The following DNAI3 variants were observed in gnomAD, a reference collection of about 807,000 sequenced individuals.
The protein encoded by DNAI3 is dynein axonemal intermediate chain 3, also known as WD repeat domain 63.
Under a neutral mutation model 115.5 loss-of-function variants are expected in DNAI3, and 83 were observed. The observed-to-expected ratio is 0.72, with a 90% CI of 0.60 to 0.86. DNAI3 has a LOEUF of 0.86. Among genes scored for constraint, DNAI3 ranks in the 40% least tolerant of loss-of-function variants. The pLI is 0.00. For missense variants in DNAI3, 1,004 were observed against 1,075.8 expected (o/e 0.93, Z 0.93); for synonymous variants, 320 against 347.0 (o/e 0.92, Z 0.86).
chr1:85,065,287 A>G (rs567870384), intron 1 of DNAI3, among the ~76,000 whole-genome samples: 244 of 152,270 alleles, frequency 1.6e-3, no homozygotes, highest in Non-Finnish European at 2.8e-3. Context: ...GAGCATGTAA[A>G]CAGGTGTGTG....
At chr1:85,108,821 A>G (rs1465145025) in intron 15 of DNAI3, among the ~76,000 whole-genome samples, 1 of 152,206 alleles carries the variant, frequency 6.6e-6, no homozygotes, top group Non-Finnish European at 1.5e-5. Flanking sequence ...TCCAGGTAGA[A>G]ATCAAAATCA....
chr1:85,087,436 A>AC (rs1654832883), intron 7 of DNAI3, among the ~76,000 whole-genome samples: 1 of 126,616 alleles, frequency 7.9e-6, no homozygotes, highest in African/African-American at 3.3e-5. Flanking sequence ...CTCCATCTCA[A>AC]AAAAAAAAAA....
chr1:85,095,178 G>C (rs561833111), intron 10 of DNAI3, among the ~76,000 whole-genome samples: 12 of 152,164 alleles, frequency 7.9e-5, no homozygotes, highest in African/African-American at 2.2e-4. Context: ...TGCTACACAG[G>C]GTTCTAGTTT....
chr1:85,123,984 C>T, intron 18 of DNAI3, 137 bp from the exon 19 acceptor site: 1 of 1,055,488 alleles, frequency 9.5e-7, no homozygotes, highest in South Asian at 1.6e-5. Context: ...ATCTATTCAT[C>T]CCAGCTAGCC....
rs557305132 is a variant in DNAI3, at chr1:85,077,374, A to G, written c.104-3860A>G. Reference sequence around the variant, plus strand: ...AAACTTCTAGAAGAAAACAGGAGAAAATCTTTGTGACCTTGGAGTTGGCAA... The same window carrying G: ...AAACTTCTAGAAGAAAACAGGAGAAGATCTTTGTGACCTTGGAGTTGGCAA... On this transcript the variant is annotated intron_variant, in intron 3 of 22. Coordinates refer to ENST00000294664, the MANE Select transcript of DNAI3 (RefSeq NM_145172.5). Among the ~76,000 whole-genome samples the G allele has an allele frequency of 2.4e-4, 37 of 152,292 alleles. No homozygotes were observed. In the South Asian group the frequency reaches 5.2e-3, roughly 21 times the overall value.
intron 1 of DNAI3, among the ~76,000 whole-genome samples, chr1:85,063,713 C>G (rs1260400751): frequency 2.0e-5 from 3 of 152,150 alleles, no homozygotes; most frequent in African/African-American, 7.2e-5. Flanking sequence ...AGGGAAGAGA[C>G]TTGATAAGAG....
Position 85,081,325 on chromosome 1 carries a change from T to G in DNAI3, c.195T>G (p.Pro65=). Residue 65 remains proline, a synonymous_variant, in exon 4 of 23, where the codon CCT becomes CCG. Coordinates refer to ENST00000294664, the MANE Select transcript of DNAI3 (RefSeq NM_145172.5). ...RIDEDVTDEQ[P]YKLINKEDIF... is the part of the protein sequence containing the mutation. Reference sequence around the variant, plus strand: ...ATGAAGATGTCACAGATGAACAACCTTATAAGCTTATCAATAAAGAAGACA... The same window carrying G: ...ATGAAGATGTCACAGATGAACAACCGTATAAGCTTATCAATAAAGAAGACA... 1 of 1,607,394 alleles carries G rather than the reference T, an allele frequency of 6.2e-7. No homozygotes were observed. Among genetic ancestry groups the G allele is most frequent in the South Asian group, 1.1e-5 (1 of 89,820 alleles).
In DNAI3 at chr1:85,081,548, C is replaced by T. The variant is rs1401111497; in HGVS notation, c.285+133C>T. 12 of 656,976 alleles carry T rather than the reference C, an allele frequency of 1.8e-5. No homozygotes were observed. The South Asian group carries it at 4.7e-4, about 26-fold the overall frequency. 40.7% of individuals were successfully genotyped at this position (656,976 alleles called of 1,614,324 possible). On this transcript the variant is annotated intron_variant, in intron 4 of 22. Coordinates refer to ENST00000294664, the MANE Select transcript of DNAI3 (RefSeq NM_145172.5). ...GGCAAGTGCTAGCTTGCCCACCCCT[C>T]CTTGGGAATCCTGTTTGATGATCCT...
chr1:85,078,668 G>A (rs891657839), intron 3 of DNAI3, among the ~76,000 whole-genome samples: 1 of 152,178 alleles, frequency 6.6e-6, no homozygotes, highest in Admixed American at 6.5e-5. Context: ...GTGACCCTTT[G>A]GGGTGGCCAG....
chr1:85,123,328 C>T (rs981938851), intron 18 of DNAI3, among the ~76,000 whole-genome samples: 3 of 152,200 alleles, frequency 2.0e-5, no homozygotes, highest in African/African-American at 7.2e-5. Context: ...CTAAAGGACT[C>T]ATTACAACAC....
intron 14 of DNAI3, among the ~76,000 whole-genome samples, chr1:85,105,744 G>A (rs1226064911): frequency 6.6e-6 from 1 of 152,112 alleles, no homozygotes; most frequent in Non-Finnish European, 1.5e-5. Flanking sequence ...TGGGTAGCAG[G>A]AACAAATGGC....
chr1:85,087,434 C>CAAAAAAAAAAAAAAA (rs1162431713), intron 7 of DNAI3, among the ~76,000 whole-genome samples: 1 of 46,662 alleles, frequency 2.1e-5, no homozygotes, highest in Non-Finnish European at 3.7e-5. Context: ...GACTCCATCT[C>CAAAAAAAAAAAAAAA]AAAAAAAAAA....
chr1:85,092,938 C>T (rs939318955), intron 8 of DNAI3, among the ~76,000 whole-genome samples: 1 of 152,138 alleles, frequency 6.6e-6, no homozygotes, highest in African/African-American at 2.4e-5. Context: ...TCATTTAGTA[C>T]AGAATATGCC....
At chr1:85,089,909 T>A (rs1654921588) in intron 7 of DNAI3, among the ~76,000 whole-genome samples, 1 of 152,156 alleles carries the variant, frequency 6.6e-6, no homozygotes, top group Non-Finnish European at 1.5e-5. Context: ...TAAGATTTTT[T>A]TGATTATGTT....
chr1:85,128,716 CA>C lies in DNAI3; in HGVS notation c.2328del (p.Gln776HisfsTer3). 1 of 1,601,726 alleles carries C rather than the reference CA, an allele frequency of 6.2e-7. No individual in the cohort carries two copies. The highest frequency in any genetic ancestry group is 8.5e-7 in the Non-Finnish European group (1 of 1,177,322). On this transcript the variant is annotated frameshift_variant, in exon 21 of 23. Transcript: ENST00000294664. LOFTEE classifies it high-confidence loss of function. ...IKPWIFSSKQ[Q>X]FIATADYYGT... ...TATTTTAAAATTTTCAGCTAAACAGCAATTTATAGCCACAGCTGATTATTAT... is the reference window on the plus strand; with the variant it reads ...TATTTTAAAATTTTCAGCTAAACAGCATTTATAGCCACAGCTGATTATTAT...
intron 21 of DNAI3, among the ~76,000 whole-genome samples, chr1:85,129,219 G>A (rs1656240905): frequency 1.3e-5 from 2 of 149,030 alleles, no homozygotes; most frequent in Non-Finnish European, 3.0e-5. Context: ...AGCTGAACTG[G>A]CGGTATTCTG....
intron 3 of DNAI3, among the ~76,000 whole-genome samples, chr1:85,074,260 C>T (rs914983581): frequency 3.3e-5 from 5 of 152,190 alleles, no homozygotes; most frequent in African/African-American, 4.8e-5. Flanking sequence ...ACTCAGCCTC[C>T]TTCTGTCCAT....
chr1:85,123,888 A>G (rs187665428), intron 18 of DNAI3, among the ~76,000 whole-genome samples: 3 of 152,364 alleles, frequency 2.0e-5, no homozygotes, highest in Admixed American at 2.0e-4. Context: ...TGAATAACAC[A>G]AAGTATTCAT....
At chr1:85,129,212 T>C (rs1357510025) in intron 21 of DNAI3, among the ~76,000 whole-genome samples, 1 of 151,010 alleles carries the variant, frequency 6.6e-6, no homozygotes, top group Non-Finnish European at 1.5e-5. Flanking sequence ...GCAGCACAGC[T>C]GAACTGGCGG....
Sources: gnomAD v4.1 joint callset for allele counts (sites outside exome capture counted in the v4.1 genomes callset) on GRCh38, gnomAD v4.1.1 for gene constraint, MANE v1.5 for transcripts, NCBI Gene and HGNC (gene_info 2026-07-23, HGNC 2026-07-21) for gene names.